The following HK1 variants were observed in gnomAD, a reference collection of about 807,000 sequenced individuals.
The protein encoded by HK1 is hexokinase-1.
A neutral mutation model predicts 91.6 loss-of-function variants in HK1; 28 were observed. The ratio of observed to expected loss-of-function variants is 0.31; its 90% confidence interval spans 0.23 to 0.42. The LOEUF (loss-of-function observed/expected upper bound fraction) is 0.42, where lower values mean the gene tolerates loss of function less well. Ranked by LOEUF, HK1 falls within the 10% of genes least tolerant of loss-of-function variation. The pLI is 1.00. For missense variants in HK1, 770 were observed against 1,219.8 expected, an observed-to-expected ratio of 0.63 and a Z score of 5.49; for synonymous variants, 430 against 468.1, an observed-to-expected ratio of 0.92 and a Z score of 1.05.
chr10:69,289,989 T>C (rs1388681442), intron 3 of HK1, among the ~76,000 whole-genome samples: 6 of 151,934 alleles, frequency 3.9e-5, no homozygotes, highest in Admixed American at 2.0e-4. Context: ...CCCTGGAAAA[T>C]GTTTATAGGA....
chr10:69,270,361 A>T (rs1481131565), intron 1 of HK1, among the ~76,000 whole-genome samples: 4 of 152,012 alleles, frequency 2.6e-5, no homozygotes, highest in Non-Finnish European at 5.9e-5. Flanking sequence ...TGGGTAGATC[A>T]CTGGAGGTCA....
chr10:69,376,866 T>A (rs892241556), intron 7 of HK1, 68 bp from the exon 8 acceptor site: 1 of 1,592,628 alleles, frequency 6.3e-7, no homozygotes, highest in Non-Finnish European at 8.6e-7. Flanking sequence ...TCCTTTTATG[T>A]CTGTCCCAGC....
intron 1 of HK1, among the ~76,000 whole-genome samples, chr10:69,273,321 T>C (rs1026342137): frequency 2.6e-5 from 4 of 152,182 alleles, no homozygotes; most frequent in Admixed American, 1.3e-4. Context: ...ATTCATGCCA[T>C]TCTCCTGCCT....
At chr10:69,363,649 GATT>G (rs1849550169) in intron 3 of HK1, among the ~76,000 whole-genome samples, 1 of 152,184 alleles carries the variant, frequency 6.6e-6, no homozygotes, top group Admixed American at 6.5e-5. Context: ...AAAGTATTGG[GATT>G]ACAGACGTGA....
At chr10:69,330,885 C>CTT (rs1254023279) in intron 1 of HK1, among the ~76,000 whole-genome samples, 2 of 143,910 alleles carry the variant, frequency 1.4e-5, no homozygotes. Flanking sequence ...TTCTTTTTTT[C>CTT]TTTTTTTTTT....
chr10:69,282,734 G>T (rs2132432911), intron 2 of HK1: 1 of 152,240 alleles, frequency 6.6e-6, no homozygotes, highest in East Asian at 1.9e-4. Flanking sequence ...GGCAACTAGG[G>T]GGTTGCCTGG....
intron 5 of HK1, among the ~76,000 whole-genome samples, chr10:69,301,139 G>C (rs540067733): frequency 6.6e-6 from 1 of 151,510 alleles, no homozygotes; most frequent in Non-Finnish European, 1.5e-5. Context: ...CCAGCTACTC[G>C]GGAGGCTGAG....
At chr10:69,374,544 A>G (rs1481487760) in intron 7 of HK1, among the ~76,000 whole-genome samples, 5 of 152,168 alleles carry the variant, frequency 3.3e-5, no homozygotes, top group Non-Finnish European at 7.3e-5. Flanking sequence ...CATTAATTTC[A>G]CTTGAGCAGA....
chr10:69,323,048 C>T (rs992467929), intron 1 of HK1, among the ~76,000 whole-genome samples: 1 of 151,894 alleles, frequency 6.6e-6, no homozygotes, highest in Non-Finnish European at 1.5e-5. Flanking sequence ...GAGTTCAAGA[C>T]CAGCCTGACC....
At chr10:69,308,455 ATT>A (rs1273026415) in intron 5 of HK1, among the ~76,000 whole-genome samples, 5 of 152,148 alleles carry the variant, frequency 3.3e-5, no homozygotes, top group Non-Finnish European at 7.3e-5. Flanking sequence ...GAGGGTCATG[ATT>A]GACTGAGCAA....
intron 5 of HK1, among the ~76,000 whole-genome samples, chr10:69,305,854 A>AAAAAAAC (rs1468000692): frequency 1.5e-5 from 2 of 136,642 alleles, no homozygotes; most frequent in Admixed American, 1.6e-4. Context: ...CTCTGTCTCA[A>AAAAAAAC]AAAAAACAAA....
intron 2 of HK1, among the ~76,000 whole-genome samples, chr10:69,348,805 CA>C (rs772998927): frequency 0.084 from 11,117 of 132,926 alleles, 663 homozygotes; most frequent in African/African-American, 0.18. Flanking sequence ...AACTCTGTCT[CA>C]AAAAAAAAAA....
intron 1 of HK1, among the ~76,000 whole-genome samples, chr10:69,320,669 C>G (rs1846965831): frequency 6.6e-6 from 1 of 152,118 alleles, no homozygotes; most frequent in Non-Finnish European, 1.5e-5. Flanking sequence ...CTTTATAGCT[C>G]AAGACAGTGG....
chr10:69,295,197 C>T (rs1276307046), intron 3 of HK1, among the ~76,000 whole-genome samples: 3 of 152,154 alleles, frequency 2.0e-5, no homozygotes, highest in African/African-American at 4.8e-5. Context: ...GGAGACACAG[C>T]GGGGCCTGCG....
At chr10:69,316,224 C>T (rs1371585086), upstream of HK1, among the ~76,000 whole-genome samples, 3 of 151,338 alleles carry the variant, frequency 2.0e-5, no homozygotes, top group Non-Finnish European at 4.4e-5. Flanking sequence ...AGAGTGGAGT[C>T]GATTACAGAA....
At chr10:69,322,063 C>T (rs1459283769) in intron 1 of HK1, among the ~76,000 whole-genome samples, 7 of 152,178 alleles carry the variant, frequency 4.6e-5, no homozygotes, top group East Asian at 1.9e-4. Context: ...TTCTTCCACT[C>T]GGTTTAGCCA....
chr10:69,350,722 AAATT>A (rs1247333643), intron 2 of HK1, among the ~76,000 whole-genome samples: 1 of 152,122 alleles, frequency 6.6e-6, no homozygotes, highest in Non-Finnish European at 1.5e-5. Context: ...TTAAAACAGC[AAATT>A]AATTAAGTAA....
At chr10:69,334,021 G>T (rs1177031083) in intron 1 of HK1, among the ~76,000 whole-genome samples, 1 of 152,152 alleles carries the variant, frequency 6.6e-6, no homozygotes, top group Non-Finnish European at 1.5e-5. Context: ...TGAGGCAGGA[G>T]AATCGCTTGA....
At chr10:69,316,783 A>T (rs1846669436), upstream of HK1, among the ~76,000 whole-genome samples, 1 of 152,256 alleles carries the variant, frequency 6.6e-6, no homozygotes, top group Non-Finnish European at 1.5e-5. Flanking sequence ...CAGCCTGCCA[A>T]GTGCCAGGCC....
Sources: gnomAD v4.1 joint callset for allele counts (sites outside exome capture counted in the v4.1 genomes callset) on GRCh38, gnomAD v4.1.1 for gene constraint, MANE v1.5 for transcripts, NCBI Gene and HGNC (gene_info 2026-07-23, HGNC 2026-07-21) for gene names.